Variants in STK31 observed in about 807,000 individuals in gnomAD.
STK31 encodes the protein serine/threonine-protein kinase 31.
STK31 carries 89 observed loss-of-function variants against 129.7 expected under a neutral mutation model. The ratio of observed to expected loss-of-function variants is 0.69; its 90% CI spans 0.58 to 0.82. The LOEUF (loss-of-function observed/expected upper bound fraction) is 0.82, where lower values mean the gene tolerates loss of function less well. Among genes scored for constraint, STK31 ranks in the 40% least tolerant of loss-of-function variants. The probability of loss-of-function intolerance (pLI) is 0.00; values close to 1 mark genes in which losing one functional copy is unlikely to be tolerated. For synonymous variants in STK31, 448 were observed against 395.3 expected (o/e 1.13, Z -1.58); for missense variants, 1,187 against 1,176.4 (o/e 1.01, Z -0.13).
chr7:23,730,878 A>ATATATATATATTTTT lies in STK31; in HGVS notation c.483+1630_483+1631insATATATATATTTTTT. 5.5e-4 allele frequency among the ~76,000 whole-genome samples: 33 copies of ATATATATATATTTTT among 59,536 alleles called. 1 individual carries two copies. Among genetic ancestry groups the ATATATATATATTTTT allele is most frequent in the East Asian group, 5.0e-3 (11 of 2,216 alleles). The allele number at this position is 59,536 out of a possible 152,430, so 39.1% of individuals were successfully genotyped here. The stretch of plus-strand genomic sequence containing the variant: ...CATTTATATATATATATATATATAT[A>ATATATATATATTTTT]TTTTTTTTTTTTTTTTTTGGTTGGG... On this transcript the variant is annotated intron_variant, in intron 6 of 23. Coordinates refer to ENST00000355870, the MANE Select transcript of STK31 (RefSeq NM_031414.5).
chr7:23,743,005 T>C (rs1021587766), intron 8 of STK31, among the ~76,000 whole-genome samples: 6 of 148,830 alleles, frequency 4.0e-5, no homozygotes, highest in Non-Finnish European at 1.5e-5. Context: ...CAGGCTGGAG[T>C]GCAATGGCAC....
intron 22 of STK31, among the ~76,000 whole-genome samples, chr7:23,804,419 T>G (rs1402703416): frequency 6.6e-6 from 1 of 152,192 alleles, no homozygotes; most frequent in Non-Finnish European, 1.5e-5. Context: ...CTGTGCCTGG[T>G]GCAAAGTGGG....
chr7:23,792,531 G>A (rs1791682396), intron 22 of STK31, among the ~76,000 whole-genome samples: 1 of 152,146 alleles, frequency 6.6e-6, no homozygotes, highest in Non-Finnish European at 1.5e-5. Flanking sequence ...GATATCAGTT[G>A]TTCTTGGCTT....
rs561520106 is a variant in STK31 at position 23,724,501 on chromosome 7, C to G, written c.250-2740C>G. 3.9e-4 allele frequency among the ~76,000 whole-genome samples: 60 copies of G among 152,344 alleles called. 1 individual carries two copies. In the South Asian group the frequency reaches 0.011, roughly 28 times the overall value. ...AAGGTTAGGCATTACAGTACCAGCT[C>G]TATTCTTGGACACAAGTGTTCCCAG... On this transcript the variant is annotated intron_variant, in intron 4 of 23. Transcript: ENST00000355870.
At chr7:23,791,358 G>A (rs1420671100) in intron 22 of STK31, 20 of 967,644 alleles carry the variant, frequency 2.1e-5, no homozygotes, top group South Asian at 9.6e-5. Flanking sequence ...TATCCTAAGC[G>A]AATTTACTGT....
intron 22 of STK31, among the ~76,000 whole-genome samples, chr7:23,804,024 C>T (rs1401305384): frequency 6.6e-6 from 1 of 152,112 alleles, no homozygotes; most frequent in East Asian, 1.9e-4. Context: ...TTGAGGAGTA[C>T]TGCTGTGAAG....
chr7:23,794,650 A>C (rs1184720020), intron 22 of STK31, among the ~76,000 whole-genome samples: 1 of 152,136 alleles, frequency 6.6e-6, no homozygotes, highest in Non-Finnish European at 1.5e-5. Flanking sequence ...TTTGAGCAAA[A>C]TGCTGATAGT....
chr7:23,771,091 CACAGT>C lies in STK31; in HGVS notation c.1804_1808del (p.Val602SerfsTer2). 6.2e-7 allele frequency: 1 copy of C among 1,612,714 alleles called. No homozygotes were observed. Among genetic ancestry groups the C allele is most frequent in the Non-Finnish European group, 8.5e-7 (1 of 1,179,314 alleles). ...TTCATTCAGAGGAAAGGCTCATTGC[CACAGT>C]ACAAGCTAAGTACAAGGACAGTATT... On this transcript the variant is annotated frameshift_variant, in exon 14 of 24. Coordinates refer to ENST00000355870, the MANE Select transcript of STK31 (RefSeq NM_031414.5). LOFTEE classifies it high-confidence loss of function.
At chr7:23,720,713 A>G (rs1033711969) in intron 4 of STK31, among the ~76,000 whole-genome samples, 1 of 152,208 alleles carries the variant, frequency 6.6e-6, no homozygotes, top group Non-Finnish European at 1.5e-5. Context: ...TTCTGGCAAG[A>G]GATTCAAAAG....
intron 14 of STK31, chr7:23,771,484 G>C (rs1161314264): frequency 1.3e-5 from 2 of 157,926 alleles, no homozygotes; most frequent in African/African-American, 4.8e-5. Context: ...CTGTATGTTT[G>C]TGAGCATATA....
At chr7:23,779,550 T>G (rs1790778050) in intron 15 of STK31, among the ~76,000 whole-genome samples, 1 of 152,178 alleles carries the variant, frequency 6.6e-6, no homozygotes, top group Non-Finnish European at 1.5e-5. Flanking sequence ...GAAAGGAATC[T>G]AGAGAGGCGG....
intron 23 of STK31, among the ~76,000 whole-genome samples, chr7:23,818,689 A>G (rs910764886): frequency 1.3e-5 from 2 of 150,628 alleles, no homozygotes; most frequent in Non-Finnish European, 2.9e-5. Context: ...CAGTGGCACG[A>G]TCTCAGCTCA....
chr7:23,771,114 A>G lies in STK31; in HGVS notation c.1823A>G (p.Asp608Gly). The change falls in exon 14 of 24, where the codon GAC becomes GGC. Residue 608 changes from aspartate (D) to glycine (G), a missense_variant. By Grantham distance (94) the Asp-to-Gly change is moderately conservative. Coordinates refer to ENST00000355870, the MANE Select transcript of STK31 (RefSeq NM_031414.5). ...LIATVQAKYK[D>G]SIEFKKQLIE... ...GCCACAGTACAAGCTAAGTACAAGGACAGTATTGAGGTTTGATTGTGCTTT... is the reference window on the plus strand; with the variant it reads ...GCCACAGTACAAGCTAAGTACAAGGGCAGTATTGAGGTTTGATTGTGCTTT... The G allele has an allele frequency of 6.2e-7, 1 of 1,605,892 alleles. No individual in the cohort carries two copies. The highest frequency in any genetic ancestry group is 8.5e-7 in the Non-Finnish European group (1 of 1,177,018).
At chr7:23,757,651 A>G (rs1482319170) in intron 10 of STK31, among the ~76,000 whole-genome samples, 1 of 152,054 alleles carries the variant, frequency 6.6e-6, no homozygotes, top group Non-Finnish European at 1.5e-5. Flanking sequence ...CGGGTTTTAC[A>G]CCGAGACATT....
intron 22 of STK31, among the ~76,000 whole-genome samples, chr7:23,796,556 T>G (rs540009414): frequency 6.6e-6 from 1 of 152,294 alleles, no homozygotes; most frequent in African/African-American, 2.4e-5. Context: ...GACTTTTTTT[T>G]GTATACATTC....
chr7:23,765,844 G>A (rs2128101092), intron 11 of STK31, among the ~76,000 whole-genome samples: 1 of 152,260 alleles, frequency 6.6e-6, no homozygotes, highest in Admixed American at 6.5e-5. Flanking sequence ...ACTGTGCCCG[G>A]CCACTCTTCT....
At position 23,713,274 on chromosome 7, in the gene STK31, A is replaced by C. The variant is rs146208583; in HGVS notation, c.150+988A>C. 6.9e-3 allele frequency among the ~76,000 whole-genome samples: 1,046 copies of C among 152,302 alleles called. 21 individuals carry two copies. The highest frequency in any genetic ancestry group is 0.024 in the African/African-American group (981 of 41,556). ...TCTTTATGTATCTAAACATGAAGGT[A>C]CAGTAAAAACATATTATAAAAGATT... On this transcript the variant is annotated intron_variant, in intron 3 of 23. Transcript: ENST00000355870.
At position 23,769,068 on chromosome 7, in the gene STK31, A is replaced by C. The variant is rs764180849; in HGVS notation, c.1490A>C (p.Lys497Thr). The change falls in exon 12 of 24, where the codon AAA (lysine) becomes ACA (threonine). Residue 497 changes from lysine to threonine, a missense_variant. By Grantham distance (78) the Lys-to-Thr change is moderately conservative. Around this residue, in one of 5 missense-constraint regions of STK31, gnomAD observed 975 missense variants for 934.9 expected, o/e 1.04. Transcript: ENST00000355870. ...EGANSDEILK[K>T]FYDWKCDKRE... is the part of the protein sequence containing the mutation. Reference sequence around the variant, plus strand: ...GCAAATTCTGATGAAATACTTAAAAAATTTTATGACTGGAAGTGTGATAAA... The same window carrying C: ...GCAAATTCTGATGAAATACTTAAAACATTTTATGACTGGAAGTGTGATAAA... 26 of 1,613,234 alleles carry C rather than the reference A, an allele frequency of 1.6e-5. No homozygotes were observed. The highest frequency in any genetic ancestry group is 2.2e-5 in the Non-Finnish European group (26 of 1,179,494).
chr7:23,720,547 A>G (rs1162647892), intron 4 of STK31, among the ~76,000 whole-genome samples: 1 of 152,178 alleles, frequency 6.6e-6, no homozygotes. Context: ...ACACTTTTAA[A>G]ATGCTAGAGA....
Sources: allele counts gnomAD v4.1 joint callset (sites outside exome capture counted in the v4.1 genomes callset), GRCh38; gene constraint gnomAD v4.1.1; regional missense constraint gnomAD v4.1.1; transcripts MANE v1.5; gene names NCBI Gene and HGNC (gene_info 2026-07-23, HGNC 2026-07-21).